Variants in SLC14A2 observed in about 807,000 individuals in gnomAD.
SLC14A2 encodes the protein solute carrier family 14 member 2, also known as urea transporter 2.
A neutral mutation model predicts 104.6 loss-of-function variants in SLC14A2; 91 were observed. The observed-to-expected ratio is 0.87, with a 90% CI of 0.73 to 1.04. SLC14A2 has a LOEUF of 1.04. Ranked by LOEUF, SLC14A2 falls within the 50% of genes least tolerant of loss-of-function variation. The pLI, the probability that SLC14A2 is intolerant of heterozygous loss-of-function variation, is 0.00. For synonymous variants in SLC14A2, 476 were observed against 466.4 expected (o/e 1.02, Z -0.27); for missense variants, 1,189 against 1,156.0 (o/e 1.03, Z -0.41).
At chr18:45,277,121 C>T (rs959391049) in intron 1 of SLC14A2, among the ~76,000 whole-genome samples, 10 of 152,218 alleles carry the variant, frequency 6.6e-5, no homozygotes, top group African/African-American at 2.4e-4. Context: ...AAGATTGACA[C>T]TTAGCACTTG....
intron 1 of SLC14A2, among the ~76,000 whole-genome samples, chr18:45,429,847 G>T (rs1471150657): frequency 6.6e-6 from 1 of 152,134 alleles, no homozygotes; most frequent in Admixed American, 6.5e-5. Context: ...TCCAGTAAAG[G>T]TCTGTAGTTG....
At chr18:45,180,861 TAAAA>T in the SLC14A2 span, 1 of 151,896 alleles carries the variant, frequency 6.6e-6, no homozygotes, top group Non-Finnish European at 1.5e-5. Flanking sequence ...AATAAGAAAA[TAAAA>T]AAGTTTACTG....
intron 2 of SLC14A2, among the ~76,000 whole-genome samples, chr18:45,588,295 G>A (rs1230797512): frequency 6.6e-6 from 1 of 152,172 alleles, no homozygotes; most frequent in East Asian, 1.9e-4. Context: ...ACTGCTGAGA[G>A]GACTCCAGCT....
intron 1 of SLC14A2, among the ~76,000 whole-genome samples, chr18:45,268,208 C>G (rs934676986): frequency 6.6e-6 from 1 of 152,036 alleles, no homozygotes; most frequent in Non-Finnish European, 1.5e-5. Flanking sequence ...ACCAAGTACC[C>G]GATAAATATG....
At chr18:45,501,488 AT>A (rs1814953955) in intron 2 of SLC14A2, among the ~76,000 whole-genome samples, 1 of 152,242 alleles carries the variant, frequency 6.6e-6, no homozygotes, top group African/African-American at 2.4e-5. Context: ...TGCTTTTTGT[AT>A]AAATGCTTCG....
intron 1 of SLC14A2, among the ~76,000 whole-genome samples, chr18:45,453,260 G>C (rs569297956): frequency 6.6e-6 from 1 of 152,028 alleles, no homozygotes; most frequent in African/African-American, 2.4e-5. Context: ...ATGGCAGGAG[G>C]CTCCCCTCTG....
chr18:45,624,489 T>C (rs965119751), intron 1 of SLC14A2, 142 bp from the exon 2 acceptor site: 13 of 476,496 alleles, frequency 2.7e-5, no homozygotes, highest in Admixed American at 4.1e-5. Context: ...AGAAATGTCC[T>C]CAACTCTACA....
chr18:45,629,321 A>C (rs2045309645), intron 4 of SLC14A2, among the ~76,000 whole-genome samples: 1 of 152,180 alleles, frequency 6.6e-6, no homozygotes, highest in Non-Finnish European at 1.5e-5. Flanking sequence ...TGAGAGGCTG[A>C]ATTCTTCTGA....
intron 1 of SLC14A2, among the ~76,000 whole-genome samples, chr18:45,336,884 G>A (rs2085342845): frequency 6.6e-6 from 1 of 152,122 alleles, no homozygotes; most frequent in African/African-American, 2.4e-5. Flanking sequence ...TCAATTGATT[G>A]ACCAGCAAGT....
intron 19 of SLC14A2, 58 bp downstream of exon 19, chr18:45,679,082 T>C (rs2046274567): frequency 1.3e-6 from 2 of 1,539,432 alleles, no homozygotes; most frequent in Admixed American, 1.7e-5. Context: ...TCCTCTTGGC[T>C]TCCCCAAACC....
chr18:45,586,909 A>T (rs1411217288), intron 2 of SLC14A2, among the ~76,000 whole-genome samples: 1 of 152,158 alleles, frequency 6.6e-6, no homozygotes, highest in East Asian at 1.9e-4. Context: ...TTTCCCTATC[A>T]ATTTAAGAAC....
At chr18:45,364,032 T>C (rs989514325) in intron 1 of SLC14A2, among the ~76,000 whole-genome samples, 1 of 152,190 alleles carries the variant, frequency 6.6e-6, no homozygotes, top group East Asian at 1.9e-4. Flanking sequence ...GTACCCATCC[T>C]TCCAGTTTCA....
intron 1 of SLC14A2, among the ~76,000 whole-genome samples, chr18:45,457,571 A>G (rs1053042587): frequency 6.6e-6 from 1 of 152,074 alleles, no homozygotes; most frequent in African/African-American, 2.4e-5. Context: ...GAGGCATTTG[A>G]GAGTTCTAAA....
At chr18:45,654,834 T>TG (rs1015926649) in intron 10 of SLC14A2, among the ~76,000 whole-genome samples, 1 of 152,164 alleles carries the variant, frequency 6.6e-6, no homozygotes, top group Non-Finnish European at 1.5e-5. Context: ...ACCCACTGGA[T>TG]GAGCCTTCTC....
intron 2 of SLC14A2, among the ~76,000 whole-genome samples, chr18:45,557,626 G>A (rs2044149818): frequency 6.6e-6 from 1 of 152,206 alleles, no homozygotes; most frequent in African/African-American, 2.4e-5. Context: ...TGACGGCCAT[G>A]AGAAGTTTTT....
intron 1 of SLC14A2, among the ~76,000 whole-genome samples, chr18:45,378,142 A>G (rs1790473606): frequency 6.6e-6 from 1 of 152,218 alleles, no homozygotes; most frequent in Non-Finnish European, 1.5e-5. Context: ...TTATTTATCT[A>G]TGGGCTCCAA....
chr18:45,346,041 G>A (rs939819227), intron 1 of SLC14A2, among the ~76,000 whole-genome samples: 2 of 152,178 alleles, frequency 1.3e-5, no homozygotes, highest in Non-Finnish European at 1.5e-5. Flanking sequence ...CCATAGTTTA[G>A]TCTGCATTTC....
chr18:45,499,219 TTTA>T (rs1160796521), intron 2 of SLC14A2, among the ~76,000 whole-genome samples: 2 of 152,198 alleles, frequency 1.3e-5, no homozygotes, highest in East Asian at 3.8e-4. Context: ...AAAATGTCAT[TTTA>T]TTGATACATA....
At chr18:45,555,097 A>C (rs1245818241) in intron 2 of SLC14A2, among the ~76,000 whole-genome samples, 1 of 152,208 alleles carries the variant, frequency 6.6e-6, no homozygotes, top group Non-Finnish European at 1.5e-5. Context: ...GAGCTGAATA[A>C]GTTATTTTGT....
Sources: gnomAD v4.1 joint callset for allele counts (sites outside exome capture counted in the v4.1 genomes callset) on GRCh38, gnomAD v4.1.1 for gene constraint, MANE v1.5 for transcripts, NCBI Gene and HGNC (gene_info 2026-07-23, HGNC 2026-07-21) for gene names.